ATG16L2: variants seen among roughly 807,000 people sequenced by gnomAD.
The protein encoded by ATG16L2 is autophagy related 16 like 2.
Under a neutral mutation model 84.7 loss-of-function variants are expected in ATG16L2, and 77 were observed. The ratio of observed to expected loss-of-function variants is 0.91; its 90% confidence interval spans 0.76 to 1.10. The LOEUF (loss-of-function observed/expected upper bound fraction) is 1.10. ATG16L2 is among the 50% of genes least tolerant of loss of function. The pLI is 0.00. For synonymous variants in ATG16L2, 361 were observed against 342.8 expected, an observed-to-expected ratio of 1.05 and a Z score of -0.59; for missense variants, 782 against 817.6, an observed-to-expected ratio of 0.96 and a Z score of 0.53.
chr11:72,831,406 TG>T (rs1476679998), downstream of ATG16L2, among the ~76,000 whole-genome samples: 4 of 152,206 alleles, frequency 2.6e-5, no homozygotes, highest in Non-Finnish European at 5.9e-5. Context: ...CTTGGGAGGC[TG>T]AGGCAGGAGA....
At chr11:72,841,258 C>T (rs1443869567) in intron 5 of ATG16L2, among the ~76,000 whole-genome samples, 1 of 141,680 alleles carries the variant, frequency 7.1e-6, no homozygotes, top group Non-Finnish European at 1.5e-5. Context: ...CACTTGAGCC[C>T]AGGAATTGGT....
chr11:72,823,883 C>T (rs1860166734), intron 7 of ATG16L2, 177 bp from the exon 8 acceptor site: 3 of 786,158 alleles, frequency 3.8e-6, no homozygotes, highest in Admixed American at 1.7e-5. Flanking sequence ...GCTGCCCCGA[C>T]CTTCCTGGGA....
At chr11:72,835,995 G>A (rs543264335) in intron 5 of ATG16L2, among the ~76,000 whole-genome samples, 1 of 152,170 alleles carries the variant, frequency 6.6e-6, no homozygotes, top group Admixed American at 6.5e-5. Flanking sequence ...TGATCTGCCC[G>A]CCTCGGCCTC....
chr11:72,822,335 G>A lies in ATG16L2; in HGVS notation c.644+40G>A, dbSNP rs747079071. 12 of 1,532,726 alleles carry A rather than the reference G, an allele frequency of 7.8e-6. No homozygotes were observed. The highest frequency in any genetic ancestry group is 2.8e-5 in the African/African-American group (2 of 72,040). 94.9% of individuals were successfully genotyped at this position (1,532,726 alleles called of 1,614,324 possible). On this transcript the variant is annotated intron_variant, in intron 5 of 17. Coordinates refer to ENST00000321297, the MANE Select transcript of ATG16L2 (RefSeq NM_033388.2). This position sits in a 1 kb window ranked among gnomAD's most constrained non-coding sequence, Gnocchi z 4.2. ...CCCGCCCCTCCTGAGGAAAGGCCCC[G>A]CCCCTGCAGGGAGGAGTCGGGCCTC...
At chr11:72,832,934 GC>G (rs1860639190), downstream of ATG16L2, among the ~76,000 whole-genome samples, 2 of 152,156 alleles carry the variant, frequency 1.3e-5, no homozygotes, top group African/African-American at 4.8e-5. Context: ...CCTGCCCCAA[GC>G]CTCCCCAAAA....
downstream of ATG16L2, among the ~76,000 whole-genome samples, chr11:72,833,856 G>C (rs1358616565): frequency 6.6e-6 from 1 of 151,966 alleles, no homozygotes; most frequent in East Asian, 1.9e-4. Context: ...CCAGGAGGCA[G>C]AGGTTGCAGT....
chr11:72,842,486 T>A, intron 5 of ATG16L2: 1 of 1,006,662 alleles, frequency 9.9e-7, no homozygotes, highest in Non-Finnish European at 1.4e-6. Context: ...CAAATGCAGT[T>A]GTGCAGACAC....
intron 8 of ATG16L2, 186 bp downstream of exon 8, chr11:72,824,308 TC>T: frequency 1.5e-6 from 1 of 672,408 alleles, no homozygotes; most frequent in Non-Finnish European, 2.6e-6. Flanking sequence ...TCAGCTGTCT[TC>T]CAGGTTCTGT....
chr11:72,823,101 G>C, intron 7 of ATG16L2, 140 bp downstream of exon 7: 1 of 619,770 alleles, frequency 1.6e-6, no homozygotes, highest in Non-Finnish European at 2.8e-6. Context: ...AGATCTCCCA[G>C]GGCTAGTCTG....
chr11:72,823,499 C>T (rs985843054), intron 7 of ATG16L2: 11 of 367,640 alleles, frequency 3.0e-5, no homozygotes, highest in Non-Finnish European at 4.3e-5. Context: ...GTCATTGAGG[C>T]TGCCCGCTCT....
chr11:72,826,071 CG>C (rs1346411770), intron 10 of ATG16L2, 101 bp from the exon 11 acceptor site: 23 of 947,014 alleles, frequency 2.4e-5, no homozygotes, highest in East Asian at 1.6e-4. Context: ...GGGGATGTGT[CG>C]GGGGGTGGGG....
chr11:72,822,124 C>A lies in ATG16L2; in HGVS notation c.473C>A (p.Ala158Glu). The A allele has an allele frequency of 6.6e-7, 1 of 1,506,614 alleles. No homozygotes were observed. Among genetic ancestry groups the A allele is most frequent in the Non-Finnish European group, 8.8e-7 (1 of 1,136,738 alleles). 93.3% of individuals were successfully genotyped at this position (1,506,614 alleles called of 1,614,324 possible). ...QQAQQVEEWRAQNAVQRAAYE... is the reference protein window; with the variant it reads ...QQAQQVEEWREQNAVQRAAYE... ...GCCCAGCAGGTGGAGGAGTGGCGGGCGCAGAATGCGGTGCAGCGGGCAGCC... is the reference window on the plus strand; with the variant it reads ...GCCCAGCAGGTGGAGGAGTGGCGGGAGCAGAATGCGGTGCAGCGGGCAGCC... Residue 158 changes from alanine (A) to glutamate (E), a missense_variant, in exon 5 of 18, where the codon GCG becomes GAG. Coordinates refer to ENST00000321297, the MANE Select transcript of ATG16L2 (RefSeq NM_033388.2). This position sits in a 1 kb window ranked among gnomAD's most constrained non-coding sequence, Gnocchi z 4.2.
Position 72,822,949 on chromosome 11 carries a change from A to T in ATG16L2, c.812A>T (p.Lys271Met). ...GAGAAGGAAGCTTGTGAGAAGTGGA[A>T]GAGGCCCTTCAGGTGAGGACCCAGG... ...PLEKEACEKW[K>M]RPFRSASATS... The change falls in exon 7 of 18, where the codon AAG becomes ATG. Residue 271 changes from lysine (K) to methionine (M), a missense_variant. Coordinates refer to ENST00000321297, the MANE Select transcript of ATG16L2 (RefSeq NM_033388.2). This position sits in a 1 kb window ranked among gnomAD's most constrained non-coding sequence, Gnocchi z 4.2. 1 of 1,568,172 alleles carries T rather than the reference A, an allele frequency of 6.4e-7. No homozygotes were observed. The highest frequency in any genetic ancestry group is 8.7e-7 in the Non-Finnish European group (1 of 1,155,690).
intron 5 of ATG16L2, chr11:72,838,539 C>G: frequency 1.9e-6 from 1 of 535,052 alleles, no homozygotes; most frequent in South Asian, 2.1e-5. Flanking sequence ...GGCTGCCCCC[C>G]TCTTTGCTCC....
At chr11:72,841,123 C>T (rs879942114) in intron 5 of ATG16L2, among the ~76,000 whole-genome samples, 3 of 151,992 alleles carry the variant, frequency 2.0e-5, no homozygotes, top group Non-Finnish European at 4.4e-5. Flanking sequence ...AGCTATGATC[C>T]CACCACTGCA....
chr11:72,827,133 G>A, intron 13 of ATG16L2, 55 bp from the exon 14 acceptor site: 2 of 1,381,880 alleles, frequency 1.4e-6, no homozygotes, highest in South Asian at 1.2e-5. Context: ...TGTCCTGTGG[G>A]GTGGCTCCCG....
intron 5 of ATG16L2, among the ~76,000 whole-genome samples, chr11:72,839,300 G>C (rs1397774474): frequency 6.6e-6 from 1 of 152,184 alleles, no homozygotes; most frequent in East Asian, 1.9e-4. Context: ...TTAAACATCT[G>C]CTTTAAGAAG....
chr11:72,838,689 C>G, intron 5 of ATG16L2: 1 of 918,508 alleles, frequency 1.1e-6, no homozygotes, highest in South Asian at 1.5e-5. Context: ...GTTTTTTGCT[C>G]TGTTCAAGAG....
intron 9 of ATG16L2, 43 bp from the exon 10 acceptor site, chr11:72,825,259 T>C: frequency 1.3e-6 from 2 of 1,512,542 alleles, no homozygotes; most frequent in South Asian, 1.1e-5. Context: ...CACAGAGACA[T>C]GCGCGGGGAG....
Sources: gnomAD v4.1 joint callset for allele counts (sites outside exome capture counted in the v4.1 genomes callset) on GRCh38, gnomAD v4.1.1 for gene constraint, Gnocchi (gnomAD v3.1) non-coding constraint, MANE v1.5 for transcripts, NCBI Gene and HGNC (gene_info 2026-07-23, HGNC 2026-07-21) for gene names.